Variants in WDFY3 observed in about 807,000 individuals in gnomAD.
WDFY3 encodes WD repeat and FYVE domain-containing protein 3.
In WDFY3, 66 loss-of-function variants were observed where a neutral mutation model predicts 409.6. The ratio of observed to expected loss-of-function variants is 0.16; its 90% CI spans 0.13 to 0.20. The LOEUF (loss-of-function observed/expected upper bound fraction) is 0.20. WDFY3 is among the 10% of genes least tolerant of loss of function. The pLI is 1.00. For missense variants in WDFY3, 3,031 were observed against 4,298.1 expected (o/e 0.71, Z 8.24); for synonymous variants, 1,521 against 1,537.1 (o/e 0.99, Z 0.25).
intron 49 of WDFY3, 58 bp from the exon 50 acceptor site, chr4:84,715,441 T>C (rs1733694350): frequency 6.0e-6 from 6 of 992,666 alleles, no homozygotes; most frequent in Non-Finnish European, 9.4e-6. Context: ...AATAAAATTA[T>C]ATATTAACTT....
intron 36 of WDFY3, among the ~76,000 whole-genome samples, chr4:84,748,074 A>G (rs1418489394): frequency 3.9e-5 from 6 of 152,050 alleles, no homozygotes; most frequent in Non-Finnish European, 4.4e-5. Flanking sequence ...AGCTGTTCTC[A>G]TGCACTTTCT....
intron 14 of WDFY3, chr4:84,809,629 T>C (rs1216229919): frequency 2.8e-6 from 1 of 352,370 alleles, no homozygotes; most frequent in Admixed American, 4.4e-5. Flanking sequence ...GGAAACTTCA[T>C]AGAAACTGTT....
intron 62 of WDFY3, among the ~76,000 whole-genome samples, chr4:84,685,055 C>T (rs1481718043): frequency 2.6e-5 from 4 of 152,136 alleles, no homozygotes; most frequent in Admixed American, 1.3e-4. Context: ...TTCTATAGCG[C>T]CAAAGCTTAT....
intron 51 of WDFY3, among the ~76,000 whole-genome samples, chr4:84,711,949 A>C (rs1360057896): frequency 1.3e-5 from 2 of 152,158 alleles, no homozygotes; most frequent in African/African-American, 4.8e-5. Flanking sequence ...GTTTTTATGA[A>C]TATCAAGCTG....
chr4:84,686,247 A>G (rs575404721), intron 62 of WDFY3, among the ~76,000 whole-genome samples: 3 of 152,174 alleles, frequency 2.0e-5, no homozygotes, highest in African/African-American at 7.2e-5. Flanking sequence ...TGGAGCTTGC[A>G]TTGAGCCGAC....
chr4:84,929,980 A>C (rs1394223214), intron 2 of WDFY3, among the ~76,000 whole-genome samples: 1 of 152,092 alleles, frequency 6.6e-6, no homozygotes, highest in Non-Finnish European at 1.5e-5. Flanking sequence ...CACAGGGAAA[A>C]GATGGCCACC....
chr4:84,887,412 G>T (rs2150469032), intron 3 of WDFY3, among the ~76,000 whole-genome samples: 1 of 152,256 alleles, frequency 6.6e-6, no homozygotes, highest in Non-Finnish European at 1.5e-5. Context: ...CTGCCCATTG[G>T]CTTGTAATCA....
At chr4:84,963,433 A>C (rs1775191091) in intron 1 of WDFY3, among the ~76,000 whole-genome samples, 2 of 151,826 alleles carry the variant, frequency 1.3e-5, no homozygotes, top group South Asian at 2.1e-4. Flanking sequence ...TCAAAAGAAA[A>C]AAAAAAAAAG....
intron 3 of WDFY3, among the ~76,000 whole-genome samples, chr4:84,863,887 T>C (rs935653600): frequency 2.0e-5 from 3 of 152,178 alleles, no homozygotes; most frequent in Non-Finnish European, 1.5e-5. Flanking sequence ...TCTATTCCAT[T>C]TCATTGGTCT....
intron 45 of WDFY3, 25 bp downstream of exon 45, chr4:84,726,836 T>C (rs374838061): frequency 6.3e-7 from 1 of 1,589,146 alleles, no homozygotes; most frequent in African/African-American, 1.4e-5. Context: ...TAGTTTACAT[T>C]CTTTTACTGT....
At chr4:84,794,407 C>T in intron 21 of WDFY3, 112 bp downstream of exon 21, 1 of 1,057,776 alleles carries the variant, frequency 9.5e-7, no homozygotes, top group South Asian at 1.6e-5. Context: ...TTGTTCTATG[C>T]TATAATAATT....
At chr4:84,821,016 C>G in intron 11 of WDFY3, 68 bp downstream of exon 11, 1 of 1,390,850 alleles carries the variant, frequency 7.2e-7, no homozygotes, top group Non-Finnish European at 9.6e-7. Context: ...AGAATGGGAA[C>G]AAGAACAAAA....
intron 47 of WDFY3, among the ~76,000 whole-genome samples, chr4:84,720,383 G>A (rs527825066): frequency 1.3e-5 from 2 of 152,218 alleles, no homozygotes; most frequent in East Asian, 1.9e-4. Context: ...TAGGATAAAG[G>A]TTATGCAAGT....
chr4:84,705,549 A>G, intron 53 of WDFY3, 38 bp from the exon 54 acceptor site: 1 of 1,494,916 alleles, frequency 6.7e-7, no homozygotes, highest in Non-Finnish European at 9.3e-7. Flanking sequence ...AAGTTACTAT[A>G]CACTATCTAG....
chr4:84,796,568 T>C lies in WDFY3; in HGVS notation c.3120A>G (p.Ser1040=), dbSNP rs765866719. 3 of 1,609,058 alleles carry C rather than the reference T, an allele frequency of 1.9e-6. No individual in the cohort carries two copies. The highest frequency in any genetic ancestry group is 3.4e-5 in the Admixed American group (2 of 59,304). Residue 1040 remains serine, a synonymous_variant, in exon 19 of 68, where the codon TCA becomes TCG. Coordinates refer to ENST00000295888, the MANE Select transcript of WDFY3 (RefSeq NM_014991.6). The part of the protein sequence containing the change: ...TPHDIRLHGS[S]VTPAFVEFDT... Reference sequence around the variant, plus strand: ...CAAATTCAACAAAAGCTGGAGTAACTGATGACCCATGAAGTCTGATGTCAT... The same window carrying C: ...CAAATTCAACAAAAGCTGGAGTAACCGATGACCCATGAAGTCTGATGTCAT...
intron 17 of WDFY3, among the ~76,000 whole-genome samples, chr4:84,798,849 A>G (rs1749973303): frequency 6.6e-6 from 1 of 151,860 alleles, no homozygotes; most frequent in Non-Finnish European, 1.5e-5. Flanking sequence ...AAATCTACAC[A>G]GTGTCACTCT....
At chr4:84,946,472 T>G (rs1399849253) in intron 1 of WDFY3, among the ~76,000 whole-genome samples, 1 of 152,220 alleles carries the variant, frequency 6.6e-6, no homozygotes, top group African/African-American at 2.4e-5. Flanking sequence ...TCAGAGTCAG[T>G]AGCCCTATGG....
intron 1 of WDFY3, among the ~76,000 whole-genome samples, chr4:84,948,797 G>A (rs2151096638): frequency 6.6e-6 from 1 of 152,256 alleles, no homozygotes; most frequent in African/African-American, 2.4e-5. Context: ...TCCTAGGACT[G>A]AGCAGTCTAC....
At chr4:84,919,736 T>A (rs980786107) in intron 2 of WDFY3, among the ~76,000 whole-genome samples, 3 of 152,188 alleles carry the variant, frequency 2.0e-5, no homozygotes, top group Non-Finnish European at 4.4e-5. Flanking sequence ...CCTTCCACCA[T>A]GATTGTAAGT....
Sources: gnomAD v4.1 joint callset for allele counts (sites outside exome capture counted in the v4.1 genomes callset) on GRCh38, gnomAD v4.1.1 for gene constraint, MANE v1.5 for transcripts, NCBI Gene and HGNC (gene_info 2026-07-23, HGNC 2026-07-21) for gene names.